Variants in ECRG4 observed in about 807,000 individuals in gnomAD.
ECRG4 encodes the protein ECRG4 augurin precursor.
ECRG4 carries 18 observed loss-of-function variants against 15.8 expected under a neutral mutation model. The observed-to-expected ratio is 1.14, with a 90% CI of 0.79 to 1.69. The LOEUF (loss-of-function observed/expected upper bound fraction) is 1.69, where lower values mean the gene tolerates loss of function less well. Ranked by LOEUF, ECRG4 falls within the 40% of genes most tolerant of loss-of-function variation. ECRG4 has a pLI of 0.00. For synonymous variants in ECRG4, 82 were observed against 73.9 expected, an observed-to-expected ratio of 1.11 and a Z score of -0.56; for missense variants, 200 against 190.9, an observed-to-expected ratio of 1.05 and a Z score of -0.28.
At chr2:106,071,745 A>C (rs544053640) in intron 1 of ECRG4, 99 bp from the exon 2 acceptor site, 5 of 888,276 alleles carry the variant, frequency 5.6e-6, no homozygotes, top group East Asian at 2.6e-5. Context: ...AAATCAAGGC[A>C]GGGGCCCGCA....
At chr2:106,073,112 A>G (rs1376361714) in intron 2 of ECRG4, among the ~76,000 whole-genome samples, 2 of 152,166 alleles carry the variant, frequency 1.3e-5, no homozygotes, top group African/African-American at 4.8e-5. Flanking sequence ...ATCGAGAGGG[A>G]CTGTCCACCC....
rs759236144 is a variant in ECRG4 at position 106,065,807 on chromosome 2, G to A, written c.43G>A (p.Gly15Arg). 1.3e-6 allele frequency: 2 copies of A among 1,484,562 alleles called. No individual in the cohort carries two copies. Among genetic ancestry groups the A allele is most frequent in the Non-Finnish European group, 1.8e-6 (2 of 1,123,992 alleles). The allele number at this position is 1,484,562 out of a possible 1,614,324, so 92.0% of individuals were successfully genotyped here. The part of the protein sequence containing the change: ...PARPAVLALT[G>R]LALLLLLCWG... ...GCGGCCTGCTGTCCTGGCCCTGACC[G>A]GGCTGGCGCTGCTCCTGCTCCTGTG... Residue 15 changes from glycine (G) to arginine (R), a missense_variant, in exon 1 of 4, where the codon GGG (glycine) becomes AGG (arginine). Transcript: ENST00000238044.
At chr2:106,067,080 T>G (rs1424474167) in intron 1 of ECRG4, among the ~76,000 whole-genome samples, 1 of 44,622 alleles carries the variant, frequency 2.2e-5, no homozygotes, top group Non-Finnish European at 4.0e-5. Flanking sequence ...GGGGGGCAGA[T>G]CACCTGAGGT....
At chr2:106,070,506 T>C (rs150592215) in intron 1 of ECRG4, among the ~76,000 whole-genome samples, 3 of 152,224 alleles carry the variant, frequency 2.0e-5, no homozygotes, top group African/African-American at 4.8e-5. Flanking sequence ...AGACACTGGG[T>C]ATGCTAATAA....
At chr2:106,074,435 A>T (rs1676440616) in intron 3 of ECRG4, among the ~76,000 whole-genome samples, 1 of 152,228 alleles carries the variant, frequency 6.6e-6, no homozygotes, top group African/African-American at 2.4e-5. Context: ...AACAACAGGG[A>T]TGCCGGGATC....
Position 106,071,160 on chromosome 2 carries a change from G to A in ECRG4, c.80-684G>A, listed in dbSNP as rs539502417. On this transcript the variant is annotated intron_variant, in intron 1 of 3. Transcript: ENST00000238044. Reference sequence around the variant, plus strand: ...TTAGAGAGCAAAGGCAAGTTCCCCAGTGTGTGGGAGCCTGACTCCCATTTC... The same window carrying A: ...TTAGAGAGCAAAGGCAAGTTCCCCAATGTGTGGGAGCCTGACTCCCATTTC... 1.1e-3 allele frequency among the ~76,000 whole-genome samples: 174 copies of A among 152,042 alleles called. 1 individual carries two copies. The highest frequency in any genetic ancestry group is 0.01 in the Middle Eastern group (3 of 294).
Position 106,065,698 on chromosome 2 carries a change from C to G in ECRG4, c.-67C>G. ...CGCCTGCCCGCTCGCACCCCTCTCC[C>G]GCGCCCGGTTCTCCCTCGCAGCACC... On this transcript the variant is annotated 5_prime_UTR_variant, in exon 1 of 4. Transcript: ENST00000238044. The G allele has an allele frequency of 1.5e-6, 2 of 1,292,124 alleles. No individual in the cohort carries two copies. The highest frequency in any genetic ancestry group is 2.9e-5 in the Admixed American group (1 of 33,908). The allele number at this position is 1,292,124 out of a possible 1,614,324, so 80.0% of individuals were successfully genotyped here.
intron 1 of ECRG4, among the ~76,000 whole-genome samples, chr2:106,069,035 C>T (rs529932613): frequency 1.3e-5 from 2 of 152,346 alleles, no homozygotes; most frequent in South Asian, 4.1e-4. Flanking sequence ...ATGCCCTAAC[C>T]TATGGCCCAG....
At chr2:106,065,505 T>C (rs1203547880), upstream of ECRG4, among the ~76,000 whole-genome samples, 1 of 151,894 alleles carries the variant, frequency 6.6e-6, no homozygotes, top group Non-Finnish European at 1.5e-5. Context: ...CAAGCATCCT[T>C]GGCCTTGGAG....
At chr2:106,069,753 C>G (rs1275755454) in intron 1 of ECRG4, among the ~76,000 whole-genome samples, 1 of 152,198 alleles carries the variant, frequency 6.6e-6, no homozygotes, top group Non-Finnish European at 1.5e-5. Flanking sequence ...TCCGGTTTTT[C>G]TATGACCTTC....
intron 3 of ECRG4, among the ~76,000 whole-genome samples, chr2:106,074,531 A>G (rs529910432): frequency 6.6e-6 from 1 of 152,216 alleles, no homozygotes; most frequent in South Asian, 2.1e-4. Context: ...TTGTCAATGC[A>G]CTTATAGGAA....
upstream of ECRG4, among the ~76,000 whole-genome samples, chr2:106,065,201 C>G (rs1035363644): frequency 5.9e-5 from 9 of 152,024 alleles, no homozygotes; most frequent in African/African-American, 2.2e-4. Flanking sequence ...GCCCACTTTA[C>G]AAACCAGGCA....
intron 1 of ECRG4, among the ~76,000 whole-genome samples, chr2:106,066,600 G>A (rs1573357051): frequency 6.6e-6 from 1 of 152,194 alleles, no homozygotes; most frequent in African/African-American, 2.4e-5. Flanking sequence ...AAGGACACAT[G>A]ACTGCCTTTG....
At chr2:106,072,127 T>C in intron 2 of ECRG4, 1 of 489,572 alleles carries the variant, frequency 2.0e-6, no homozygotes, top group Non-Finnish European at 3.6e-6. Flanking sequence ...CAGTGTGGAC[T>C]CAAAAATAAA....
At chr2:106,077,050 GCTT>G (rs1676502620) in intron 3 of ECRG4, among the ~76,000 whole-genome samples, 2 of 152,156 alleles carry the variant, frequency 1.3e-5, no homozygotes, top group African/African-American at 4.8e-5. Context: ...CTCAGCTTTA[GCTT>G]CTCTATCCCT....
At chr2:106,074,233 G>A in intron 3 of ECRG4, 190 bp downstream of exon 3, 1 of 639,818 alleles carries the variant, frequency 1.6e-6, no homozygotes, top group Non-Finnish European at 2.6e-6. Context: ...ATGGCTGGAA[G>A]TTTCCACCAG....
At position 106,066,335 on chromosome 2, in the gene ECRG4, A is replaced by C. The variant is rs931260894; in HGVS notation, c.79+492A>C. Among the ~76,000 whole-genome samples the C allele has an allele frequency of 4.6e-5, 7 of 152,300 alleles. No individual in the cohort carries two copies. In the East Asian group the frequency reaches 1.4e-3, roughly 29 times the overall value. ...AGGCCTCACACCCCAGAGAGGGGAA[A>C]GGCTCTTAAAGGAGTAATGCTTAAT... is the stretch of plus-strand genomic sequence containing the variant. On this transcript the variant is annotated intron_variant, in intron 1 of 3. Coordinates refer to ENST00000238044, the MANE Select transcript of ECRG4 (RefSeq NM_032411.3).
chr2:106,078,075 A>G lies in ECRG4; in HGVS notation c.*149A>G. 1 of 603,372 alleles carries G rather than the reference A, an allele frequency of 1.7e-6. No individual in the cohort carries two copies. The highest frequency in any genetic ancestry group is 2.6e-6 in the Non-Finnish European group (1 of 386,040). 37.4% of individuals were successfully genotyped at this position (603,372 alleles called of 1,614,324 possible). On this transcript the variant is annotated 3_prime_UTR_variant, in exon 4 of 4. Transcript: ENST00000238044. ...TGATCAAAAAAGAAGAGTTAAAACA[A>G]CACATGTAAATGCCTTTTGATATTT...
chr2:106,076,006 A>C lies in ECRG4; in HGVS notation c.286-1759A>C, dbSNP rs1304976831. Among the ~76,000 whole-genome samples, 3 of 152,260 alleles carry C rather than the reference A, an allele frequency of 2.0e-5. No homozygotes were observed. The East Asian group carries it at 5.8e-4, about 30-fold the overall frequency. On this transcript the variant is annotated intron_variant, in intron 3 of 3. Transcript: ENST00000238044. ...TTTTTGAAAATACATATTTAAGCTA[A>C]AACTGCAAGCAAACTTGTAAAATGA...
Sources: gnomAD v4.1 joint callset for allele counts (sites outside exome capture counted in the v4.1 genomes callset) on GRCh38, gnomAD v4.1.1 for gene constraint, MANE v1.5 for transcripts, NCBI Gene and HGNC (gene_info 2026-07-23, HGNC 2026-07-21) for gene names.